Variants in ALCAM observed in about 807,000 individuals in gnomAD.
The protein encoded by ALCAM is activated leukocyte cell adhesion molecule.
In ALCAM, 30 loss-of-function variants were observed where a neutral mutation model predicts 70.9. The ratio of observed to expected loss-of-function variants is 0.42; its 90% confidence interval spans 0.32 to 0.57. The LOEUF is 0.57. Among genes scored for constraint, ALCAM ranks in the 20% least tolerant of loss-of-function variants. The probability of loss-of-function intolerance (pLI) is 0.11; values close to 1 mark genes in which losing one functional copy is unlikely to be tolerated. For missense variants in ALCAM, 591 were observed against 695.1 expected (o/e 0.85, Z 1.68); for synonymous variants, 249 against 242.5 (o/e 1.03, Z -0.25).
At chr3:105,455,676 A>G (rs13077096) in intron 1 of ALCAM, among the ~76,000 whole-genome samples, 1 of 152,060 alleles carries the variant, frequency 6.6e-6, no homozygotes, top group Non-Finnish European at 1.5e-5. Flanking sequence ...CTAGTGTGCC[A>G]TGTCAGTTTA....
chr3:105,532,697 G>A (rs1322163198), intron 4 of ALCAM, among the ~76,000 whole-genome samples: 1 of 152,150 alleles, frequency 6.6e-6, no homozygotes, highest in East Asian at 1.9e-4. Context: ...TGAAATAATA[G>A]GATGTGAAAG....
At chr3:105,502,502 G>A (rs952535475) in intron 1 of ALCAM, among the ~76,000 whole-genome samples, 4 of 152,130 alleles carry the variant, frequency 2.6e-5, no homozygotes, top group African/African-American at 9.7e-5. Flanking sequence ...CAAATGAATG[G>A]TGAATAGGAG....
At chr3:105,513,391 A>G (rs542225164) in intron 1 of ALCAM, 11 of 151,980 alleles carry the variant, frequency 7.2e-5, no homozygotes, top group African/African-American at 2.6e-4. Context: ...ACTTTTTTCC[A>G]TCTATATTAT....
At chr3:105,536,957 AT>A (rs1197298468) in intron 6 of ALCAM, among the ~76,000 whole-genome samples, 4 of 152,140 alleles carry the variant, frequency 2.6e-5, no homozygotes, top group African/African-American at 9.7e-5. Flanking sequence ...GACACTCTGC[AT>A]TTGTAACAAA....
chr3:105,540,198 T>C, intron 7 of ALCAM, 96 bp downstream of exon 7: 1 of 1,297,408 alleles, frequency 7.7e-7, no homozygotes, highest in Non-Finnish European at 1.0e-6. Flanking sequence ...ATGTTATTGC[T>C]GGAGACAAGA....
Position 105,545,308 on chromosome 3 carries a change from C to T in ALCAM, c.1077C>T (p.Ser359=). ...ALPVSCTISA[S]RNATVVWMKD... ...CCGTGTCATGCACAATATCTGCTAG[C>T]AGGAATGCAACTGTGGTATGGATGA... is the stretch of plus-strand genomic sequence containing the variant. The change falls in exon 9 of 16, where the codon AGC becomes AGT. Residue 359 remains serine (S), a synonymous_variant. Transcript: ENST00000306107. 6.2e-7 allele frequency: 1 copy of T among 1,608,192 alleles called. No homozygotes were observed. The highest frequency in any genetic ancestry group is 1.7e-4 in the Middle Eastern group (1 of 6,022).
rs1940931589 is a variant in ALCAM at position 105,575,042 on chromosome 3, C to G, written c.*591C>G. On this transcript the variant is annotated 3_prime_UTR_variant, in exon 16 of 16. Transcript: ENST00000306107. ...GGCCGAGAGTCAGACTGATAGACACCATAGGAGCCGACTCTTTGATATGCC... is the reference window on the plus strand; with the variant it reads ...GGCCGAGAGTCAGACTGATAGACACGATAGGAGCCGACTCTTTGATATGCC... The G allele has an allele frequency of 6.6e-6, 1 of 152,406 alleles. No individual in the cohort carries two copies. Among genetic ancestry groups the G allele is most frequent in the Non-Finnish European group, 1.5e-5 (1 of 68,014 alleles). The allele number at this position is 152,406 out of a possible 1,614,324, so 9.4% of individuals were successfully genotyped here.
At chr3:105,551,847 G>T (rs368660812) in intron 12 of ALCAM, among the ~76,000 whole-genome samples, 4 of 151,640 alleles carry the variant, frequency 2.6e-5, no homozygotes, top group Admixed American at 6.6e-5. Flanking sequence ...CTATTAAAAG[G>T]TGGTGGATAG....
At chr3:105,571,828 G>C in intron 14 of ALCAM, 24 bp from the exon 15 acceptor site, 2 of 1,501,446 alleles carry the variant, frequency 1.3e-6, no homozygotes, top group South Asian at 1.2e-5. Flanking sequence ...TCAATATGAT[G>C]AAGTTTATTT....
At chr3:105,432,535 T>C (rs1244073150) in intron 1 of ALCAM, among the ~76,000 whole-genome samples, 1 of 152,090 alleles carries the variant, frequency 6.6e-6, no homozygotes, top group Non-Finnish European at 1.5e-5. Flanking sequence ...GTAAAATTGG[T>C]TTAAAAGGTT....
At chr3:105,519,742 A>T (rs1939479850) in intron 1 of ALCAM, among the ~76,000 whole-genome samples, 1 of 152,178 alleles carries the variant, frequency 6.6e-6, no homozygotes, top group Admixed American at 6.5e-5. Flanking sequence ...GAAATACAGT[A>T]AAGAAGATAA....
intron 1 of ALCAM, among the ~76,000 whole-genome samples, chr3:105,377,309 C>T (rs1392293925): frequency 6.6e-6 from 1 of 152,034 alleles, no homozygotes; most frequent in Non-Finnish European, 1.5e-5. Context: ...ACATCCTAAT[C>T]ATGTTATTGT....
chr3:105,514,455 A>G (rs1018312782), intron 1 of ALCAM, among the ~76,000 whole-genome samples: 1 of 151,956 alleles, frequency 6.6e-6, no homozygotes, highest in African/African-American at 2.4e-5. Flanking sequence ...TATCAGGCTA[A>G]GGTAAATTAA....
intron 1 of ALCAM, among the ~76,000 whole-genome samples, chr3:105,395,756 C>T (rs1008975732): frequency 4.6e-5 from 7 of 152,060 alleles, no homozygotes; most frequent in Middle Eastern, 3.4e-3. Flanking sequence ...ATCTCAAGAA[C>T]GAATTTAAAT....
At position 105,367,332 on chromosome 3, in the gene ALCAM, G is replaced by A. The variant is rs1935085425; in HGVS notation, c.-77G>A. 6.6e-7 allele frequency: 1 copy of A among 1,509,444 alleles called. No homozygotes were observed. Among genetic ancestry groups the A allele is most frequent in the East Asian group, 2.3e-5 (1 of 43,812 alleles). The allele number at this position is 1,509,444 out of a possible 1,614,324, so 93.5% of individuals were successfully genotyped here. A position where few individuals can be genotyped will look rare whatever the true frequency, so the allele number is the denominator to read the frequency against. On this transcript the variant is annotated 5_prime_UTR_variant, in exon 1 of 16. Coordinates refer to ENST00000306107, the MANE Select transcript of ALCAM (RefSeq NM_001627.4). ...CTGCGTCGGGACCCGCCAGCGCGCG[G>A]GCACCGCGGGGCCCGGGACGACGCC...
At chr3:105,537,508 C>G (rs1428751241) in intron 6 of ALCAM, among the ~76,000 whole-genome samples, 1 of 152,118 alleles carries the variant, frequency 6.6e-6, no homozygotes, top group Non-Finnish European at 1.5e-5. Flanking sequence ...TAGCCATGGT[C>G]CTACAGTATG....
intron 1 of ALCAM, chr3:105,439,621 T>A (rs1209921921): frequency 6.6e-6 from 1 of 152,204 alleles, no homozygotes; most frequent in South Asian, 2.1e-4. Context: ...GGGCTCAATA[T>A]GAAATTTTGA....
chr3:105,537,922 A>G (rs1940013836), intron 6 of ALCAM, among the ~76,000 whole-genome samples: 3 of 152,160 alleles, frequency 2.0e-5, no homozygotes, highest in Non-Finnish European at 4.4e-5. Context: ...ATACATGAAA[A>G]GAAAATTTCA....
chr3:105,442,960 G>A (rs183344042), intron 1 of ALCAM, among the ~76,000 whole-genome samples: 3 of 152,230 alleles, frequency 2.0e-5, no homozygotes, highest in Admixed American at 2.0e-4. Context: ...CCCCTGAGTA[G>A]CTTGGACTAC....
Sources: gnomAD v4.1 joint callset for allele counts (sites outside exome capture counted in the v4.1 genomes callset) on GRCh38, gnomAD v4.1.1 for gene constraint, MANE v1.5 for transcripts, NCBI Gene and HGNC (gene_info 2026-07-23, HGNC 2026-07-21) for gene names.